ADAMTS6: variants seen among roughly 807,000 people sequenced by gnomAD.
ADAMTS6 encodes the protein A disintegrin and metalloproteinase with thrombospondin motifs 6.
A neutral mutation model predicts 144.3 loss-of-function variants in ADAMTS6; 23 were observed. The observed-to-expected ratio is 0.16, with a 90% CI of 0.11 to 0.23. The LOEUF is 0.23. Ranked by LOEUF, ADAMTS6 falls within the 10% of genes least tolerant of loss-of-function variation. ADAMTS6 has a pLI of 1.00. For missense variants in ADAMTS6, 999 were observed against 1,379.6 expected (o/e 0.72, Z 4.37); for synonymous variants, 444 against 457.5 (o/e 0.97, Z 0.38).
At chr5:65,338,175 T>G (rs1046991328) in intron 7 of ADAMTS6, among the ~76,000 whole-genome samples, 1 of 152,242 alleles carries the variant, frequency 6.6e-6, no homozygotes, top group African/African-American at 2.4e-5. Context: ...CCTATGGTAC[T>G]TTTTTGGTTT....
intron 9 of ADAMTS6, among the ~76,000 whole-genome samples, chr5:65,316,094 T>A (rs1024932075): frequency 1.3e-5 from 2 of 152,126 alleles, no homozygotes; most frequent in Non-Finnish European, 2.9e-5. Context: ...TATTTTTTAG[T>A]AGAGACGGGG....
chr5:65,452,521 C>T (rs1758837223), intron 5 of ADAMTS6, among the ~76,000 whole-genome samples, 186 bp downstream of exon 5: 1 of 150,058 alleles, frequency 6.7e-6, no homozygotes, highest in South Asian at 2.1e-4. Context: ...GTCATATTAT[C>T]TAAAAATGAA....
At chr5:65,198,083 T>C (rs1755503458) in intron 20 of ADAMTS6, among the ~76,000 whole-genome samples, 1 of 152,150 alleles carries the variant, frequency 6.6e-6, no homozygotes, top group South Asian at 2.1e-4. Context: ...TATCAAGATA[T>C]CAAAGAGAAA....
intron 9 of ADAMTS6, among the ~76,000 whole-genome samples, chr5:65,323,100 T>C (rs1331470253): frequency 6.6e-6 from 1 of 152,024 alleles, no homozygotes; most frequent in Non-Finnish European, 1.5e-5. Flanking sequence ...ACCAATTTCA[T>C]TTATTTATTT....
intron 24 of ADAMTS6, 49 bp from the exon 25 acceptor site, chr5:65,151,994 A>T: frequency 5.9e-6 from 9 of 1,518,888 alleles, no homozygotes; most frequent in Non-Finnish European, 7.3e-6. Context: ...CACATAAACA[A>T]GTACATAAAC....
intron 11 of ADAMTS6, among the ~76,000 whole-genome samples, chr5:65,278,943 CTTTTT>C (rs59600636): frequency 8.3e-5 from 11 of 132,026 alleles, no homozygotes; most frequent in East Asian, 2.2e-4. Context: ...TCTTTACAGT[CTTTTT>C]TTTTTTTTTT....
chr5:65,194,081 A>C (rs1241068964), intron 21 of ADAMTS6, among the ~76,000 whole-genome samples: 1 of 152,202 alleles, frequency 6.6e-6, no homozygotes. Context: ...TCATCTAAAA[A>C]AAACCTATCT....
chr5:65,282,942 A>T (rs1050310876), intron 11 of ADAMTS6, among the ~76,000 whole-genome samples: 12 of 152,238 alleles, frequency 7.9e-5, no homozygotes, highest in East Asian at 3.9e-4. Context: ...AAATTTTTTT[A>T]AAATGAAGTT....
chr5:65,453,445 G>T (rs890576767), intron 4 of ADAMTS6, among the ~76,000 whole-genome samples: 2 of 152,222 alleles, frequency 1.3e-5, no homozygotes, highest in East Asian at 1.9e-4. Flanking sequence ...AAAAGGCAAC[G>T]AATTACTTTT....
At chr5:65,471,380 T>C (rs1042989068) in intron 2 of ADAMTS6, among the ~76,000 whole-genome samples, 3 of 152,206 alleles carry the variant, frequency 2.0e-5, no homozygotes, top group African/African-American at 7.2e-5. Flanking sequence ...TTTTACTTTT[T>C]TAATTTTTAA....
At chr5:65,200,748 A>G (rs1561273928) in intron 20 of ADAMTS6, among the ~76,000 whole-genome samples, 1 of 152,102 alleles carries the variant, frequency 6.6e-6, no homozygotes, top group African/African-American at 2.4e-5. Flanking sequence ...TCCTTCCTCC[A>G]TGCTTAAAAA....
intron 7 of ADAMTS6, among the ~76,000 whole-genome samples, chr5:65,344,653 A>C (rs1178645760): frequency 6.6e-6 from 1 of 151,890 alleles, no homozygotes; most frequent in African/African-American, 2.4e-5. Context: ...TTTCCATTAT[A>C]AATTCCAAGG....
At chr5:65,197,988 G>A (rs557011734) in intron 20 of ADAMTS6, among the ~76,000 whole-genome samples, 115 of 152,104 alleles carry the variant, frequency 7.6e-4, no homozygotes, top group African/African-American at 2.7e-3. Flanking sequence ...ACACACACTC[G>A]TATTTGTAAA....
intron 24 of ADAMTS6, among the ~76,000 whole-genome samples, chr5:65,153,680 TG>T (rs761595730): frequency 5.9e-4 from 90 of 152,326 alleles, no homozygotes; most frequent in Non-Finnish European, 1.1e-3. Flanking sequence ...AAGAAAATAC[TG>T]CCCTAAAGAC....
intron 1 of ADAMTS6, among the ~76,000 whole-genome samples, chr5:65,478,244 C>G (rs150382495): frequency 6.6e-6 from 1 of 152,314 alleles, no homozygotes; most frequent in Non-Finnish European, 1.5e-5. Flanking sequence ...CTTTCTGACA[C>G]CTGGTGGGGA....
chr5:65,259,662 A>C (rs1760996282), intron 14 of ADAMTS6, among the ~76,000 whole-genome samples: 1 of 152,220 alleles, frequency 6.6e-6, no homozygotes, highest in Non-Finnish European at 1.5e-5. Context: ...GGATTCAGTA[A>C]GTACAGACAA....
chr5:65,190,617 G>A (rs1358995350), intron 21 of ADAMTS6, among the ~76,000 whole-genome samples: 1 of 152,174 alleles, frequency 6.6e-6, no homozygotes, highest in Non-Finnish European at 1.5e-5. Context: ...TGATTCAGAA[G>A]TGTTGCAAAG....
At chr5:65,183,781 C>T (rs1316403274) in intron 22 of ADAMTS6, among the ~76,000 whole-genome samples, 1 of 152,154 alleles carries the variant, frequency 6.6e-6, no homozygotes, top group Non-Finnish European at 1.5e-5. Flanking sequence ...CAGAGATAAT[C>T]ATTAGCCTAT....
At chr5:65,259,911 G>C (rs1355152058) in intron 14 of ADAMTS6, among the ~76,000 whole-genome samples, 1 of 152,188 alleles carries the variant, frequency 6.6e-6, no homozygotes, top group African/African-American at 2.4e-5. Context: ...TTTTTAGATA[G>C]GGGGAGGAAG....
Sources: allele counts gnomAD v4.1 joint callset (sites outside exome capture counted in the v4.1 genomes callset), GRCh38; gene constraint gnomAD v4.1.1; transcripts MANE v1.5; gene names NCBI Gene and HGNC (gene_info 2026-07-23, HGNC 2026-07-21).